Variants in CHODL observed in about 807,000 individuals in gnomAD.
CHODL encodes the protein transmembrane protein MT75.
Under a neutral mutation model 34.5 loss-of-function variants are expected in CHODL, and 29 were observed. That is an observed-to-expected ratio of 0.84 (90% CI 0.63 to 1.15). CHODL has a LOEUF of 1.15. CHODL is among the 50% of genes most tolerant of loss of function. CHODL has a pLI of 0.00. For synonymous variants in CHODL, 125 were observed against 116.1 expected, an observed-to-expected ratio of 1.08 and a Z score of -0.49; for missense variants, 332 against 332.5, an observed-to-expected ratio of 1.00 and a Z score of 0.01.
intron 1 of CHODL, among the ~76,000 whole-genome samples, chr21:18,025,669 G>C (rs527379443): frequency 6.6e-6 from 1 of 152,092 alleles, no homozygotes; most frequent in Non-Finnish European, 1.5e-5. Flanking sequence ...AATACCCCCA[G>C]ACTGGATGTC....
At chr21:18,119,261 G>T (rs1316024810) in intron 2 of CHODL, among the ~76,000 whole-genome samples, 2 of 151,558 alleles carry the variant, frequency 1.3e-5, no homozygotes, top group African/African-American at 4.9e-5. Context: ...GTCATCCGCT[G>T]ATCTAGTATC....
intron 2 of CHODL, among the ~76,000 whole-genome samples, chr21:18,229,575 C>CA (rs1337110460): frequency 6.6e-5 from 10 of 152,098 alleles, no homozygotes; most frequent in African/African-American, 4.8e-5. Flanking sequence ...TTGGTCAAAA[C>CA]AAATCACATA....
chr21:18,017,266 C>G (rs2146420837), intron 1 of CHODL, among the ~76,000 whole-genome samples: 1 of 152,270 alleles, frequency 6.6e-6, no homozygotes, highest in South Asian at 2.1e-4. Flanking sequence ...TTATGATCTT[C>G]TGTGTTGGAG....
rs1223555374 is a variant in CHODL, at chr21:18,234,643, C to T, written c.-44-21866C>T. 2.0e-5 allele frequency among the ~76,000 whole-genome samples: 3 copies of T among 152,044 alleles called. No homozygotes were observed. In the South Asian group the frequency reaches 6.2e-4, roughly 31 times the overall value. On this transcript the variant is annotated intron_variant, in intron 2 of 6. Coordinates refer to the CHODL transcript ENST00000400127. ...TACCTTTGATTACCAGAAGTGGTCCCATGAGGCTGCTGATGTATGGGCACA... is the reference window on the plus strand; with the variant it reads ...TACCTTTGATTACCAGAAGTGGTCCTATGAGGCTGCTGATGTATGGGCACA...
intron 1 of CHODL, among the ~76,000 whole-genome samples, chr21:17,988,849 C>T (rs1283179494): frequency 6.6e-6 from 1 of 151,910 alleles, no homozygotes; most frequent in Non-Finnish European, 1.5e-5. Flanking sequence ...AATAATGCCG[C>T]AATAAACATA....
chr21:18,135,489 A>G (rs544026047), intron 2 of CHODL, among the ~76,000 whole-genome samples: 17 of 152,020 alleles, frequency 1.1e-4, no homozygotes, highest in Non-Finnish European at 2.5e-4. Flanking sequence ...TCCAGCTCCA[A>G]TCCACAGACT....
chr21:18,086,982 G>A (rs1043561461), intron 2 of CHODL, among the ~76,000 whole-genome samples: 1 of 152,168 alleles, frequency 6.6e-6, no homozygotes. Flanking sequence ...CCATGTGGGT[G>A]TTCCTGGTAG....
chr21:18,230,382 GA>G (rs1231150366), intron 2 of CHODL, among the ~76,000 whole-genome samples: 1 of 152,054 alleles, frequency 6.6e-6, no homozygotes, highest in Non-Finnish European at 1.5e-5. Flanking sequence ...ATTACATTCA[GA>G]ATCACAAAAT....
intron 1 of CHODL, among the ~76,000 whole-genome samples, chr21:17,964,922 C>T (rs1394740): frequency 0.048 from 7,336 of 152,206 alleles, 267 homozygotes; most frequent in South Asian, 0.094. Flanking sequence ...TTAGTACTTT[C>T]CTTTGTTGCA....
intron 2 of CHODL, among the ~76,000 whole-genome samples, chr21:18,141,142 G>A (rs1246127927): frequency 6.6e-6 from 1 of 152,056 alleles, no homozygotes; most frequent in African/African-American, 2.4e-5. Context: ...GAAAAGAAAA[G>A]TAATGGAGAT....
In CHODL at chr21:17,957,208, G is replaced by A. The variant is rs200050425; in HGVS notation, c.-145+39808G>A. On this transcript the variant is annotated intron_variant, in intron 1 of 6. Transcript: ENST00000400127. Reference sequence around the variant, plus strand: ...TCTTAGATATCTCTGGAGTCTACTTGAAATGCTCCACCTTGACCACCACCA... The same window carrying A: ...TCTTAGATATCTCTGGAGTCTACTTAAAATGCTCCACCTTGACCACCACCA... 9.2e-5 allele frequency among the ~76,000 whole-genome samples: 14 copies of A among 152,238 alleles called. No homozygotes were observed. In the East Asian group the frequency reaches 2.7e-3, roughly 29 times the overall value.
chr21:18,069,028 T>C (rs1301636420), intron 2 of CHODL, among the ~76,000 whole-genome samples: 1 of 152,116 alleles, frequency 6.6e-6, no homozygotes, highest in East Asian at 1.9e-4. Flanking sequence ...ATTCAGTAAG[T>C]TGTGTTATTG....
At chr21:18,186,396 T>C (rs2073441739) in intron 2 of CHODL, among the ~76,000 whole-genome samples, 1 of 149,916 alleles carries the variant, frequency 6.7e-6, no homozygotes, top group Non-Finnish European at 1.5e-5. Flanking sequence ...GGAAGAAAAG[T>C]TAAAAAAAAA....
chr21:18,254,175 AC>A lies in CHODL; in HGVS notation c.80-2329del, dbSNP rs1004903846. Among the ~76,000 whole-genome samples, 150 of 149,522 alleles carry A rather than the reference AC, an allele frequency of 1.0e-3. 1 individual carries two copies. Among genetic ancestry groups the A allele is most frequent in the African/African-American group, 3.6e-3 (145 of 40,258 alleles). ...GTATTTAAATACAAGAATCTCCCCCACCCCCAGAAATCCCTGACTACTGACA... is the reference window on the plus strand; with the variant it reads ...GTATTTAAATACAAGAATCTCCCCCACCCCAGAAATCCCTGACTACTGACA... On this transcript the variant is annotated intron_variant, in intron 1 of 5. Transcript: ENST00000299295.
At chr21:17,944,960 C>G (rs1428831780) in intron 1 of CHODL, among the ~76,000 whole-genome samples, 1 of 152,190 alleles carries the variant, frequency 6.6e-6, no homozygotes, top group African/African-American at 2.4e-5. Context: ...CCTGGAATCC[C>G]AGCACTTTGG....
In CHODL at chr21:17,919,387, C is replaced by T. The variant is rs147273697; in HGVS notation, c.-145+1987C>T. Among the ~76,000 whole-genome samples the T allele has an allele frequency of 8.0e-3, 1,218 of 152,310 alleles. 19 individuals are homozygous for T. The highest frequency in any genetic ancestry group is 0.027 in the African/African-American group (1,122 of 41,560). On this transcript the variant is annotated intron_variant, in intron 1 of 6. Coordinates refer to the CHODL transcript ENST00000400127. The stretch of plus-strand genomic sequence containing the variant: ...AGGTTCTCAAACTTCAATTCTTGAC[C>T]TCTGTGCACCTGCAGACTCAATACC...
chr21:18,251,514 A>AT (rs1409355778), intron 1 of CHODL, among the ~76,000 whole-genome samples: 1 of 102,736 alleles, frequency 9.7e-6, no homozygotes, highest in South Asian at 2.9e-4. Context: ...ATTTTAATAT[A>AT]TAAAATATTT....
intron 1 of CHODL, among the ~76,000 whole-genome samples, chr21:17,999,691 T>A (rs978265294): frequency 6.6e-6 from 1 of 152,142 alleles, no homozygotes; most frequent in Admixed American, 6.5e-5. Context: ...ATCACGAGAA[T>A]AGCATGGGAA....
chr21:18,072,675 A>G (rs969899036), intron 2 of CHODL, among the ~76,000 whole-genome samples: 2 of 152,094 alleles, frequency 1.3e-5, no homozygotes, highest in Non-Finnish European at 2.9e-5. Flanking sequence ...GATAAAAAAA[A>G]AACCCATGGA....
Sources: allele counts gnomAD v4.1 joint callset (sites outside exome capture counted in the v4.1 genomes callset), GRCh38; gene constraint gnomAD v4.1.1; transcripts MANE v1.5; gene names NCBI Gene and HGNC (gene_info 2026-07-23, HGNC 2026-07-21).